ABCA13: variants seen among roughly 807,000 people sequenced by gnomAD.
The protein encoded by ABCA13 is ATP binding cassette subfamily A member 13, also known as ATP-binding cassette sub-family A member 13.
ABCA13 carries 476 observed loss-of-function variants against 478.7 expected under a neutral mutation model. The observed-to-expected ratio is 0.99, with a 90% CI of 0.92 to 1.07. The LOEUF (loss-of-function observed/expected upper bound fraction) is 1.07, where lower values mean the gene tolerates loss of function less well. Ranked by LOEUF, ABCA13 falls within the 50% of genes least tolerant of loss-of-function variation. The probability of loss-of-function intolerance (pLI) is 0.00; values close to 1 mark genes in which losing one functional copy is unlikely to be tolerated. For synonymous variants in ABCA13, 2,252 were observed against 2,158.9 expected, an observed-to-expected ratio of 1.04 and a Z score of -1.20; for missense variants, 6,060 against 5,910.6, an observed-to-expected ratio of 1.03 and a Z score of -0.83.
chr7:48,415,685 T>A (rs1819881629), intron 41 of ABCA13, among the ~76,000 whole-genome samples: 1 of 152,036 alleles, frequency 6.6e-6, no homozygotes, highest in South Asian at 2.1e-4. Flanking sequence ...TTAAGAAGAG[T>A]GAAATTTTGT....
intron 11 of ABCA13, among the ~76,000 whole-genome samples, chr7:48,244,906 C>G (rs1416821837): frequency 6.6e-6 from 1 of 152,200 alleles, no homozygotes; most frequent in Admixed American, 6.5e-5. Flanking sequence ...AATAAGGGCA[C>G]AGTGAAGAGC....
intron 5 of ABCA13, among the ~76,000 whole-genome samples, chr7:48,222,364 A>G (rs565282757): frequency 4.4e-4 from 67 of 152,362 alleles, no homozygotes; most frequent in Non-Finnish European, 7.8e-4. Flanking sequence ...TTACTGATAT[A>G]ATCTCATATG....
chr7:48,355,235 A>G (rs913032828), intron 31 of ABCA13, among the ~76,000 whole-genome samples: 3 of 152,050 alleles, frequency 2.0e-5, no homozygotes, highest in Middle Eastern at 3.4e-3. Context: ...GTTAATGTGG[A>G]TGGGGTAGAC....
intron 58 of ABCA13, among the ~76,000 whole-genome samples, chr7:48,601,761 T>C (rs562629149): frequency 1.1e-4 from 16 of 152,304 alleles, no homozygotes; most frequent in African/African-American, 3.6e-4. Flanking sequence ...CTGGGTCAAA[T>C]GGTATTTCTA....
chr7:48,466,950 C>G lies in ABCA13; in HGVS notation c.12816-6C>G. 1.9e-6 allele frequency: 3 copies of G among 1,613,820 alleles called. No individual in the cohort carries two copies. The highest frequency in any genetic ancestry group is 2.5e-6 in the Non-Finnish European group (3 of 1,179,774). On this transcript the variant is annotated splice_region_variant and splice_polypyrimidine_tract_variant and intron_variant, in intron 43 of 61. Coordinates refer to ENST00000435803, the MANE Select transcript of ABCA13 (RefSeq NM_152701.5). ...TTTGTTTCCTTTGTCTCACAATGAA[C>G]AGCAGCAGTGGGGGCGACAACTTGG...
At position 48,313,117 on chromosome 7, in the gene ABCA13, A is replaced by G; in HGVS notation, c.9567A>G (p.Ile3189Met). The G allele has an allele frequency of 6.2e-7, 1 of 1,612,622 alleles. No individual in the cohort carries two copies. The change falls in exon 25 of 62, where the codon ATA (isoleucine) becomes ATG (methionine). Residue 3189 changes from isoleucine to methionine, a missense_variant. Ile to Met is a conservative substitution (Grantham distance 10, BLOSUM62 1). This residue lies in a region of ABCA13 where 4,423 missense variants were observed against 4,309.1 expected (regional missense o/e 1.03). Transcript: ENST00000435803. ...GCTTGCTCAACTCCTTGCTGGATAT[A>G]GTTTCCAGCCTCAGCGCCTTGCTTG... is the stretch of plus-strand genomic sequence containing the variant. ...ANGLLNSLLDIVSSLSALLAK... is the reference protein window; with the variant it reads ...ANGLLNSLLDMVSSLSALLAK...
intron 55 of ABCA13, among the ~76,000 whole-genome samples, chr7:48,572,285 T>C (rs953049832): frequency 6.6e-6 from 1 of 152,168 alleles, no homozygotes; most frequent in Admixed American, 6.6e-5. Context: ...TATTTTCCTT[T>C]CTAGCTCAAT....
chr7:48,230,870 T>C (rs1227153325), intron 7 of ABCA13, among the ~76,000 whole-genome samples: 1 of 152,160 alleles, frequency 6.6e-6, no homozygotes, highest in African/African-American at 2.4e-5. Flanking sequence ...CATTCTCTCA[T>C]TGAATAAACA....
intron 57 of ABCA13, among the ~76,000 whole-genome samples, chr7:48,593,753 G>A (rs1188160394): frequency 6.6e-6 from 1 of 150,600 alleles, no homozygotes; most frequent in Non-Finnish European, 1.5e-5. Flanking sequence ...GACAGGTATT[G>A]TGTCAATGAA....
chr7:48,508,965 A>C, intron 50 of ABCA13, among the ~76,000 whole-genome samples: 1 of 152,192 alleles, frequency 6.6e-6, no homozygotes, highest in East Asian at 1.9e-4. Flanking sequence ...GGTCACACCT[A>C]AGTTACCTAA....
chr7:48,482,034 G>A (rs911002140), intron 46 of ABCA13, among the ~76,000 whole-genome samples: 1 of 151,942 alleles, frequency 6.6e-6, no homozygotes, highest in Non-Finnish European at 1.5e-5. Flanking sequence ...TTAGATAATA[G>A]TTAACATTAT....
chr7:48,209,609 G>A (rs1427562786), intron 3 of ABCA13, among the ~76,000 whole-genome samples: 1 of 152,044 alleles, frequency 6.6e-6, no homozygotes, highest in Non-Finnish European at 1.5e-5. Context: ...ATGTATCTAG[G>A]AATTTATTTA....
intron 23 of ABCA13, 147 bp from the exon 24 acceptor site, chr7:48,309,800 G>T: frequency 1.3e-6 from 1 of 756,022 alleles, no homozygotes; most frequent in Non-Finnish European, 2.1e-6. Flanking sequence ...TCGAACCCCA[G>T]TTTGGGCTCC....
rs897869965 is a variant in ABCA13 at position 48,234,464 on chromosome 7, C to T, written c.897+313C>T. Among the ~76,000 whole-genome samples the T allele has an allele frequency of 5.3e-5, 8 of 152,100 alleles. No individual in the cohort carries two copies. In the East Asian group the frequency reaches 9.6e-4, roughly 18 times the overall value. ...TGAGGGTGTGAGATTCTGAAGACAG[C>T]GCTAGTGGGGTCCAGGTAGGAAGAT... is the stretch of plus-strand genomic sequence containing the variant. On this transcript the variant is annotated intron_variant, in intron 8 of 61. Transcript: ENST00000435803.
intron 23 of ABCA13, among the ~76,000 whole-genome samples, chr7:48,300,639 G>A (rs559326561): frequency 6.6e-5 from 10 of 152,296 alleles, no homozygotes; most frequent in South Asian, 2.1e-4. Context: ...GCAGAAGGAG[G>A]CAAATGCAGC....
At chr7:48,506,485 G>A in intron 49 of ABCA13, 95 bp downstream of exon 49, 1 of 1,375,982 alleles carries the variant, frequency 7.3e-7, no homozygotes, top group Non-Finnish European at 1.0e-6. Context: ...TTTTGCATTT[G>A]CCCCAAGAGA....
intron 56 of ABCA13, among the ~76,000 whole-genome samples, chr7:48,585,769 C>T (rs544183423): frequency 6.6e-6 from 1 of 152,038 alleles, no homozygotes; most frequent in African/African-American, 2.4e-5. Context: ...TGATCTTGGT[C>T]AATTTGGCTA....
intron 3 of ABCA13, among the ~76,000 whole-genome samples, chr7:48,210,538 T>A (rs914156205): frequency 2.0e-5 from 3 of 152,156 alleles, no homozygotes; most frequent in Admixed American, 1.3e-4. Flanking sequence ...ACGTTGTTTT[T>A]CTATTTTGAT....
At chr7:48,283,675 C>G (rs2128789695) in intron 19 of ABCA13, among the ~76,000 whole-genome samples, 1 of 152,292 alleles carries the variant, frequency 6.6e-6, no homozygotes, top group East Asian at 1.9e-4. Flanking sequence ...GACTAGTGTG[C>G]TGGGACTCGT....
Sources: gnomAD v4.1 joint callset for allele counts (sites outside exome capture counted in the v4.1 genomes callset) on GRCh38, gnomAD v4.1.1 for gene constraint, gnomAD v4.1.1 regional missense constraint, MANE v1.5 for transcripts, NCBI Gene and HGNC (gene_info 2026-07-23, HGNC 2026-07-21) for gene names.